THAP4: variants seen among roughly 807,000 people sequenced by gnomAD.
THAP4 encodes the protein peroxynitrite isomerase THAP4.
THAP4 carries 18 observed loss-of-function variants against 48.1 expected under a neutral mutation model. The observed-to-expected ratio is 0.37, with a 90% CI of 0.26 to 0.56. The LOEUF (loss-of-function observed/expected upper bound fraction) is 0.56. Ranked by LOEUF, THAP4 falls within the 20% of genes least tolerant of loss-of-function variation. The pLI is 0.78. For missense variants in THAP4, 656 were observed against 774.9 expected, an observed-to-expected ratio of 0.85 and a Z score of 1.82; for synonymous variants, 345 against 324.9, an observed-to-expected ratio of 1.06 and a Z score of -0.66.
chr2:241,618,930 G>A (rs955528610), intron 2 of THAP4, among the ~76,000 whole-genome samples: 3 of 152,184 alleles, frequency 2.0e-5, no homozygotes, highest in Middle Eastern at 3.2e-3. Context: ...GCTCTGTAGC[G>A]AAGCTGACTT....
intron 2 of THAP4, among the ~76,000 whole-genome samples, chr2:241,607,616 G>A (rs748827068): frequency 8.6e-5 from 13 of 151,082 alleles, no homozygotes; most frequent in Non-Finnish European, 1.6e-4. Context: ...CCTCATCTAC[G>A]GAGCCCAAAG....
At chr2:241,615,774 C>A (rs1469466040) in intron 2 of THAP4, among the ~76,000 whole-genome samples, 2 of 152,246 alleles carry the variant, frequency 1.3e-5, no homozygotes, top group East Asian at 3.8e-4. Context: ...TCACTCCTCT[C>A]TTCTCCCAGG....
chr2:241,636,795 G>T (rs926254842), intron 1 of THAP4, 146 bp downstream of exon 1: 3 of 305,690 alleles, frequency 9.8e-6, no homozygotes, highest in Non-Finnish European at 1.4e-5. Flanking sequence ...CCGGGCCAAG[G>T]TCACACAGCG....
At chr2:241,600,393 C>A (rs113557907) in intron 5 of THAP4, among the ~76,000 whole-genome samples, 5 of 151,946 alleles carry the variant, frequency 3.3e-5, no homozygotes, top group African/African-American at 1.2e-4. Flanking sequence ...GATTAAAGGT[C>A]TAGGTGGTAA....
At chr2:241,584,856 T>C (rs1390699953) in intron 5 of THAP4, 131 bp from the exon 6 acceptor site, 3 of 1,186,292 alleles carry the variant, frequency 2.5e-6, no homozygotes, top group Non-Finnish European at 2.4e-6. Context: ...CAGAGGAGGG[T>C]AGACACACAG....
intron 2 of THAP4, among the ~76,000 whole-genome samples, chr2:241,618,777 T>C (rs1466087758): frequency 2.6e-5 from 4 of 151,816 alleles, no homozygotes; most frequent in East Asian, 1.9e-4. Context: ...TACATTTTCA[T>C]AGGTTTCACC....
chr2:241,617,879 G>T (rs1258473492), intron 2 of THAP4, among the ~76,000 whole-genome samples: 2 of 152,162 alleles, frequency 1.3e-5, no homozygotes, highest in Non-Finnish European at 2.9e-5. Flanking sequence ...GGACATGGAG[G>T]CTCCAGAGAC....
chr2:241,637,394 C>G, upstream of THAP4: 1 of 1,426,656 alleles, frequency 7.0e-7, no homozygotes, highest in Non-Finnish European at 9.2e-7. Flanking sequence ...GGACAGAGCT[C>G]GCCTCTGCCG....
chr2:241,596,341 T>C (rs1366528783), intron 5 of THAP4, among the ~76,000 whole-genome samples: 3 of 151,368 alleles, frequency 2.0e-5, no homozygotes, highest in Non-Finnish European at 2.9e-5. Flanking sequence ...ACCCCGTCTC[T>C]ACTAAAAATA....
intron 2 of THAP4, among the ~76,000 whole-genome samples, chr2:241,625,964 G>T (rs1039738027): frequency 2.0e-5 from 3 of 152,180 alleles, no homozygotes; most frequent in African/African-American, 7.2e-5. Context: ...AGGTATGCAA[G>T]GCTGGCTCTG....
chr2:241,596,733 G>A (rs1304590940), intron 5 of THAP4, among the ~76,000 whole-genome samples: 4 of 151,914 alleles, frequency 2.6e-5, no homozygotes, highest in African/African-American at 9.7e-5. Context: ...GTGAACCCAG[G>A]AGACAGAGCT....
chr2:241,624,859 G>C (rs1428667821), intron 2 of THAP4, among the ~76,000 whole-genome samples: 1 of 152,130 alleles, frequency 6.6e-6, no homozygotes, highest in African/African-American at 2.4e-5. Flanking sequence ...TCTGTATGAC[G>C]AACAGAGCAA....
At chr2:241,605,740 G>C (rs1189916264) in intron 3 of THAP4, among the ~76,000 whole-genome samples, 1 of 150,820 alleles carries the variant, frequency 6.6e-6, no homozygotes, top group African/African-American at 2.4e-5. Context: ...TTTTGAGACA[G>C]GTTCTCACTC....
Position 241,630,648 on chromosome 2 carries a change from G to A in THAP4, c.1240+2269C>T, listed in dbSNP as rs376284587. ...TACAAAATTAGCTGGGTGTGGTGGC[G>A]CATGCCTGTGATCCCAGCTACTCGG... On this transcript the variant is annotated intron_variant, in intron 2 of 5. Coordinates refer to ENST00000407315, the MANE Select transcript of THAP4 (RefSeq NM_015963.6). Among the ~76,000 whole-genome samples, 16 of 152,182 alleles carry A rather than the reference G, an allele frequency of 1.1e-4. No homozygotes were observed. The East Asian group carries it at 1.2e-3, about 11-fold the overall frequency.
At chr2:241,586,378 C>T (rs2066896993) in intron 5 of THAP4, among the ~76,000 whole-genome samples, 1 of 151,790 alleles carries the variant, frequency 6.6e-6, no homozygotes, top group Admixed American at 6.6e-5. Flanking sequence ...CAAACCAGCT[C>T]AGCCTCTACT....
rs1211089662 is a variant in THAP4 at position 241,610,932 on chromosome 2, A to G, written c.1241-4459T>C. Among the ~76,000 whole-genome samples, 1 of 151,988 alleles carries G rather than the reference A, an allele frequency of 6.6e-6. No individual in the cohort carries two copies. Among genetic ancestry groups the G allele is most frequent in the Admixed American group, 6.6e-5 (1 of 15,256 alleles). On this transcript the variant is annotated intron_variant, in intron 2 of 5. Coordinates refer to ENST00000407315, the MANE Select transcript of THAP4 (RefSeq NM_015963.6). This position sits in a 1 kb window ranked among gnomAD's most constrained non-coding sequence, Gnocchi z 4.2. ...GGGATCTTACTCTTTCTTCCCTTAA[A>G]ACCAGCTTCTGGGGGTCTCCGAGGG...
chr2:241,613,776 CAAA>C (rs1011855730), intron 2 of THAP4, among the ~76,000 whole-genome samples: 1 of 151,450 alleles, frequency 6.6e-6, no homozygotes, highest in Non-Finnish European at 1.5e-5. Context: ...AAAAACAAAA[CAAA>C]AAAAAGTAAA....
At chr2:241,636,351 C>G (rs1042654963) in intron 1 of THAP4, among the ~76,000 whole-genome samples, 3 of 152,240 alleles carry the variant, frequency 2.0e-5, no homozygotes, top group Non-Finnish European at 2.9e-5. Context: ...AGGCTGAACT[C>G]ACAAGGCCTT....
chr2:241,628,690 T>G (rs2067522165), intron 2 of THAP4, among the ~76,000 whole-genome samples: 1 of 146,268 alleles, frequency 6.8e-6, no homozygotes. Flanking sequence ...AAGTCATGGC[T>G]GGGTGCGGTG....
Sources: gnomAD v4.1 joint callset for allele counts (sites outside exome capture counted in the v4.1 genomes callset) on GRCh38, gnomAD v4.1.1 for gene constraint, Gnocchi (gnomAD v3.1) non-coding constraint, MANE v1.5 for transcripts, NCBI Gene and HGNC (gene_info 2026-07-23, HGNC 2026-07-21) for gene names.